Variants in XIRP2 observed in about 807,000 individuals in gnomAD.
XIRP2 encodes xin actin binding repeat containing 2.
A neutral mutation model predicts 277.0 loss-of-function variants in XIRP2; 236 were observed. That is an observed-to-expected ratio of 0.85 (90% CI 0.77 to 0.95). The LOEUF (loss-of-function observed/expected upper bound fraction) is 0.95, where lower values mean the gene tolerates loss of function less well. XIRP2 is among the 40% of genes least tolerant of loss of function. XIRP2 has a pLI of 0.00. For missense variants in XIRP2, 4,640 were observed against 4,157.5 expected, an observed-to-expected ratio of 1.12 and a Z score of -3.19; for synonymous variants, 1,490 against 1,416.5, an observed-to-expected ratio of 1.05 and a Z score of -1.17.
At position 167,240,706 on chromosome 2, in the gene XIRP2, T is replaced by A. The variant is rs562045969; in HGVS notation, c.1012T>A (p.Ser338Thr). 3.1e-6 allele frequency: 5 copies of A among 1,613,818 alleles called. No individual in the cohort carries two copies. The highest frequency in any genetic ancestry group is 3.4e-6 in the Non-Finnish European group (4 of 1,179,910). The change falls in exon 7 of 11, where the codon TCT becomes ACT. Residue 338 changes from serine (S) to threonine (T), a missense_variant. Transcript: ENST00000409195. ...GCACACCGAGGAAGTAAACCAAGCA[T>A]CTCAGTTTCATCAATATGTTCAAGA... ...EKHTEEVNQA[S>T]QFHQYVQETV...
chr2:166,986,143 T>C (rs920155512), intron 2 of XIRP2, among the ~76,000 whole-genome samples: 1 of 152,208 alleles, frequency 6.6e-6, no homozygotes, highest in African/African-American at 2.4e-5. Context: ...ACTTCATACA[T>C]TTAAACTGAT....
At position 167,127,409 on chromosome 2, in the gene XIRP2, G is replaced by A. The variant is rs141180488; in HGVS notation, c.409-8500G>A. On this transcript the variant is annotated intron_variant, in intron 2 of 10. Coordinates refer to ENST00000409195, the MANE Select transcript of XIRP2 (RefSeq NM_152381.6). ...AGATAGAGAAAAGTGTTTTGAGGAG[G>A]CACCTTTTTCCAGCTTACAGAAATG... 3.9e-5 allele frequency among the ~76,000 whole-genome samples: 6 copies of A among 152,240 alleles called. No individual in the cohort carries two copies. In the East Asian group the frequency reaches 1.2e-3, roughly 29 times the overall value.
In XIRP2 at chr2:167,137,650, T is replaced by C. The variant is rs535987966; in HGVS notation, c.562+1588T>C. Among the ~76,000 whole-genome samples the C allele has an allele frequency of 9.9e-5, 15 of 152,244 alleles. No individual in the cohort carries two copies. The East Asian group carries it at 2.9e-3, about 29-fold the overall frequency. On this transcript the variant is annotated intron_variant, in intron 3 of 10. Coordinates refer to ENST00000409195, the MANE Select transcript of XIRP2 (RefSeq NM_152381.6). ...AAAGCTTAGAAAAAGTATTCTGGAG[T>C]GTAACCACTATTTACTGTCAAGATA...
rs576136633 is a variant in XIRP2, at chr2:167,148,317, G to A, written c.562+12255G>A. Among the ~76,000 whole-genome samples, 44 of 151,582 alleles carry A rather than the reference G, an allele frequency of 2.9e-4. 2 individuals are homozygous for A. In the South Asian group the frequency reaches 8.8e-3, roughly 30 times the overall value. ...GAATCGCTTGAACTCGGGAGGCAGA[G>A]GTTGCAGTGAGCCGAGATCGCACCA... On this transcript the variant is annotated intron_variant, in intron 3 of 10. Transcript: ENST00000409195.
At chr2:166,948,778 C>A (rs986590526) in intron 2 of XIRP2, among the ~76,000 whole-genome samples, 1 of 151,822 alleles carries the variant, frequency 6.6e-6, no homozygotes, top group Admixed American at 6.6e-5. Context: ...GGCCACATGT[C>A]AAATATTCAT....
At chr2:166,997,277 A>G (rs996483717) in intron 2 of XIRP2, among the ~76,000 whole-genome samples, 1 of 152,168 alleles carries the variant, frequency 6.6e-6, no homozygotes, top group Non-Finnish European at 1.5e-5. Context: ...ACTGTCATGA[A>G]CCTTATAGGC....
chr2:166,976,646 T>C (rs1686723590), intron 2 of XIRP2, among the ~76,000 whole-genome samples: 1 of 152,142 alleles, frequency 6.6e-6, no homozygotes, highest in African/African-American at 2.4e-5. Flanking sequence ...TGAACACCCA[T>C]CCATTGTGCT....
intron 2 of XIRP2, among the ~76,000 whole-genome samples, chr2:167,057,715 A>G (rs1049402732): frequency 5.3e-5 from 8 of 152,216 alleles, no homozygotes; most frequent in Admixed American, 1.3e-4. Flanking sequence ...CTGACTGGTT[A>G]ATGAAAATAG....
chr2:167,013,330 C>T (rs11893507), intron 2 of XIRP2, among the ~76,000 whole-genome samples: 29,042 of 151,038 alleles, frequency 0.19, 3,696 homozygotes, highest in East Asian at 0.68. Flanking sequence ...ATGTAGAGCA[C>T]ATAGGAAAAA....
chr2:167,166,434 AT>A (rs1017644497), intron 3 of XIRP2, among the ~76,000 whole-genome samples: 3 of 152,108 alleles, frequency 2.0e-5, no homozygotes. Flanking sequence ...GTATTGTGCT[AT>A]TTTTGCATAA....
chr2:167,211,519 G>A (rs140560715), intron 4 of XIRP2, among the ~76,000 whole-genome samples: 4 of 152,308 alleles, frequency 2.6e-5, no homozygotes, highest in African/African-American at 4.8e-5. Flanking sequence ...GCCATAAGGC[G>A]CTGTATAAAT....
intron 2 of XIRP2, among the ~76,000 whole-genome samples, chr2:167,090,899 C>T (rs1690123451): frequency 1.3e-5 from 2 of 152,114 alleles, no homozygotes; most frequent in Admixed American, 1.3e-4. Flanking sequence ...CACCTGACAA[C>T]ACCACCCTAC....
chr2:167,064,373 T>C lies in XIRP2; in HGVS notation c.409-71536T>C, dbSNP rs186625919. ...CATATTATATGCCGCATAAGAATTT[T>C]ATAGCGCATACTTCTATTTATTTAA... On this transcript the variant is annotated intron_variant, in intron 2 of 10. Coordinates refer to ENST00000409195, the MANE Select transcript of XIRP2 (RefSeq NM_152381.6). Among the ~76,000 whole-genome samples, 12 of 152,038 alleles carry C rather than the reference T, an allele frequency of 7.9e-5. No homozygotes were observed. The East Asian group carries it at 2.3e-3, about 29-fold the overall frequency.
chr2:167,096,122 G>C (rs1217694588), intron 2 of XIRP2, among the ~76,000 whole-genome samples: 1 of 151,770 alleles, frequency 6.6e-6, no homozygotes. Context: ...CAGAAGGAAT[G>C]GTGCCAGCTC....
chr2:166,929,131 G>T (rs80099540), intron 2 of XIRP2, among the ~76,000 whole-genome samples: 3 of 151,538 alleles, frequency 2.0e-5, no homozygotes, highest in Non-Finnish European at 4.4e-5. Context: ...ACCAAGACCC[G>T]CTGAATTGGG....
intron 2 of XIRP2, among the ~76,000 whole-genome samples, chr2:167,030,695 G>A (rs183231796): frequency 9.1e-4 from 138 of 152,212 alleles, no homozygotes; most frequent in African/African-American, 3.1e-3. Context: ...TGTTGATTTC[G>A]GGTAAAGAGT....
chr2:166,959,241 C>G (rs1686243196), intron 2 of XIRP2, among the ~76,000 whole-genome samples: 1 of 151,834 alleles, frequency 6.6e-6, no homozygotes, highest in Non-Finnish European at 1.5e-5. Context: ...AGAAGTAAAT[C>G]TCAGCCATTT....
intron 2 of XIRP2, among the ~76,000 whole-genome samples, chr2:167,054,539 C>T (rs1688995649): frequency 6.6e-6 from 1 of 152,108 alleles, no homozygotes; most frequent in African/African-American, 2.4e-5. Context: ...CAAAAATTAG[C>T]TGGGCGTGTT....
In XIRP2 at chr2:167,247,450, A is replaced by G. The variant is rs1314899838; in HGVS notation, c.6058A>G (p.Lys2020Glu). The G allele has an allele frequency of 1.3e-5, 21 of 1,613,566 alleles. No homozygotes were observed. The highest frequency in any genetic ancestry group is 1.8e-5 in the Non-Finnish European group (21 of 1,179,758). Reference protein sequence around the residue: ...VEERTEVNLPKAPKGTVKIVI... With the variant: ...VEERTEVNLPEAPKGTVKIVI... Reference sequence around the variant, plus strand: ...AGAAAGAACTGAGGTTAATCTTCCAAAAGCCCCCAAAGGCACTGTAAAGAT... The same window carrying G: ...AGAAAGAACTGAGGTTAATCTTCCAGAAGCCCCCAAAGGCACTGTAAAGAT... Residue 2020 changes from lysine to glutamate, a missense_variant, in exon 9 of 11, where the codon AAA becomes GAA. Lys to Glu is a moderately conservative substitution (Grantham distance 56, BLOSUM62 1). Coordinates refer to ENST00000409195, the MANE Select transcript of XIRP2 (RefSeq NM_152381.6).
Sources: gnomAD v4.1 joint callset for allele counts (sites outside exome capture counted in the v4.1 genomes callset) on GRCh38, gnomAD v4.1.1 for gene constraint, MANE v1.5 for transcripts, NCBI Gene and HGNC (gene_info 2026-07-23, HGNC 2026-07-21) for gene names.